PDZRN4: variants seen among roughly 807,000 people sequenced by gnomAD.
PDZRN4 encodes PDZ domain-containing RING finger protein 4.
Under a neutral mutation model 99.0 loss-of-function variants are expected in PDZRN4, and 70 were observed. The observed-to-expected ratio is 0.71, with a 90% CI of 0.58 to 0.86. The LOEUF (loss-of-function observed/expected upper bound fraction) is 0.86, where lower values mean the gene tolerates loss of function less well. Among genes scored for constraint, PDZRN4 ranks in the 40% least tolerant of loss-of-function variants. PDZRN4 has a pLI of 0.00. For synonymous variants in PDZRN4, 551 were observed against 501.6 expected (o/e 1.10, Z -1.32); for missense variants, 1,474 against 1,331.2 (o/e 1.11, Z -1.67).
chr12:41,328,596 A>T (rs1951724257), intron 3 of PDZRN4, among the ~76,000 whole-genome samples: 1 of 152,158 alleles, frequency 6.6e-6, no homozygotes, highest in Non-Finnish European at 1.5e-5. Flanking sequence ...TTTAAAAAAC[A>T]TTGGTTGTTA....
Position 41,239,773 on chromosome 12 carries a change from T to C in PDZRN4, c.843+45585T>C, listed in dbSNP as rs373044560. Among the ~76,000 whole-genome samples the C allele has an allele frequency of 1.9e-3, 282 of 152,342 alleles. 1 individual carries two copies. The highest frequency in any genetic ancestry group is 6.4e-3 in the African/African-American group (267 of 41,584). Reference sequence around the variant, plus strand: ...CTGCTGATTCACTGGGAAGCATATATACCGGAGATGCTACAGGAGTAAACA... The same window carrying C: ...CTGCTGATTCACTGGGAAGCATATACACCGGAGATGCTACAGGAGTAAACA... On this transcript the variant is annotated intron_variant, in intron 3 of 9. Transcript: ENST00000402685.
intron 5 of PDZRN4, among the ~76,000 whole-genome samples, chr12:41,537,739 C>G (rs545880582): frequency 6.6e-6 from 1 of 152,142 alleles, no homozygotes; most frequent in African/African-American, 2.4e-5. Context: ...ATTACATCAT[C>G]CTGAACTGTA....
chr12:41,478,050 C>T (rs1009201717), intron 3 of PDZRN4: 5 of 628,932 alleles, frequency 7.9e-6, no homozygotes, highest in Non-Finnish European at 1.4e-5. Flanking sequence ...TTCTGTGTCC[C>T]CCAATAATAT....
At chr12:41,346,732 TG>T (rs1951857671) in intron 3 of PDZRN4, among the ~76,000 whole-genome samples, 2 of 152,252 alleles carry the variant, frequency 1.3e-5, no homozygotes, top group African/African-American at 4.8e-5. Context: ...TGGAAATGTT[TG>T]GTTTTTTGGT....
chr12:41,420,746 C>G lies in PDZRN4; in HGVS notation c.844-85710C>G, dbSNP rs1952481734. Among the ~76,000 whole-genome samples the G allele has an allele frequency of 3.3e-5, 5 of 152,238 alleles. No homozygotes were observed. The South Asian group carries it at 1.0e-3, about 32-fold the overall frequency. On this transcript the variant is annotated intron_variant, in intron 3 of 9. Transcript: ENST00000402685. ...GATATCCAAAAGCTCAGTTCTTGAC[C>G]CTTTTTTCCTTCTATCTTTTTCTTT... is the stretch of plus-strand genomic sequence containing the variant.
chr12:41,376,983 C>T (rs1197706598), intron 3 of PDZRN4, among the ~76,000 whole-genome samples: 1 of 152,168 alleles, frequency 6.6e-6, no homozygotes, highest in Non-Finnish European at 1.5e-5. Context: ...GTTGAAGAGA[C>T]TCTCCTTTCC....
At chr12:41,469,486 T>C (rs540943174) in intron 3 of PDZRN4, among the ~76,000 whole-genome samples, 1 of 152,354 alleles carries the variant, frequency 6.6e-6, no homozygotes, top group African/African-American at 2.4e-5. Flanking sequence ...GCTGTGTTCC[T>C]TCTACTACGT....
chr12:41,265,744 A>T (rs1237185846), intron 3 of PDZRN4, among the ~76,000 whole-genome samples: 1 of 152,190 alleles, frequency 6.6e-6, no homozygotes, highest in African/African-American at 2.4e-5. Context: ...ATTGCATCAT[A>T]TTTTTAACTT....
intron 3 of PDZRN4, among the ~76,000 whole-genome samples, chr12:41,384,095 C>T (rs769834003): frequency 4.1e-5 from 6 of 145,806 alleles, no homozygotes; most frequent in East Asian, 2.1e-4. Context: ...CTTCGCCTCC[C>T]GGGTTCAAGC....
intron 5 of PDZRN4, among the ~76,000 whole-genome samples, chr12:41,511,466 A>T (rs1384276271): frequency 6.6e-6 from 1 of 152,056 alleles, no homozygotes; most frequent in African/African-American, 2.4e-5. Flanking sequence ...TCACAGCATC[A>T]TAGTCATTAA....
chr12:41,502,842 T>C (rs974853293), intron 3 of PDZRN4, among the ~76,000 whole-genome samples: 4 of 151,928 alleles, frequency 2.6e-5, no homozygotes, highest in African/African-American at 9.7e-5. Flanking sequence ...TAAGTAAGGA[T>C]ATGGCAATAT....
intron 3 of PDZRN4, among the ~76,000 whole-genome samples, chr12:41,503,265 CTG>C (rs1938142039): frequency 6.6e-6 from 1 of 152,062 alleles, no homozygotes; most frequent in Non-Finnish European, 1.5e-5. Flanking sequence ...TGCATGATAA[CTG>C]GAAGAAAAGA....
chr12:41,252,823 T>A (rs1362951874), intron 3 of PDZRN4, among the ~76,000 whole-genome samples: 1 of 152,184 alleles, frequency 6.6e-6, no homozygotes, highest in Non-Finnish European at 1.5e-5. Flanking sequence ...GAATTTACAA[T>A]AAATGAACAT....
intron 3 of PDZRN4, among the ~76,000 whole-genome samples, chr12:41,252,400 C>G (rs1951176644): frequency 6.6e-6 from 1 of 152,068 alleles, no homozygotes; most frequent in South Asian, 2.1e-4. Flanking sequence ...TAAATGTTAT[C>G]CTGAGTGATA....
At chr12:41,465,141 A>G (rs1448149627) in intron 3 of PDZRN4, among the ~76,000 whole-genome samples, 1 of 152,066 alleles carries the variant, frequency 6.6e-6, no homozygotes, top group African/African-American at 2.4e-5. Context: ...TGTACTTTTT[A>G]TCCCCTAAGA....
At chr12:41,205,110 AT>A (rs1950840192) in intron 3 of PDZRN4, among the ~76,000 whole-genome samples, 1 of 151,924 alleles carries the variant, frequency 6.6e-6, no homozygotes, top group African/African-American at 2.4e-5. Context: ...TACCAGAACC[AT>A]TTTTTATTAT....
At chr12:41,301,480 G>A (rs1171407471) in intron 3 of PDZRN4, among the ~76,000 whole-genome samples, 2 of 151,870 alleles carry the variant, frequency 1.3e-5, no homozygotes, top group Non-Finnish European at 2.9e-5. Flanking sequence ...AGGATATAAG[G>A]ATAAGACATA....
At chr12:41,321,989 A>G (rs1333365003) in intron 3 of PDZRN4, among the ~76,000 whole-genome samples, 1 of 152,086 alleles carries the variant, frequency 6.6e-6, no homozygotes, top group African/African-American at 2.4e-5. Context: ...CTGGTTCTTA[A>G]CACACCTCTG....
At chr12:41,428,676 G>C (rs190441494) in intron 3 of PDZRN4, among the ~76,000 whole-genome samples, 4 of 152,174 alleles carry the variant, frequency 2.6e-5, no homozygotes, top group Admixed American at 2.0e-4. Context: ...AAGAGTGAGA[G>C]GAGTTGCGAC....
Sources: gnomAD v4.1 joint callset for allele counts (sites outside exome capture counted in the v4.1 genomes callset) on GRCh38, gnomAD v4.1.1 for gene constraint, MANE v1.5 for transcripts, NCBI Gene and HGNC (gene_info 2026-07-23, HGNC 2026-07-21) for gene names.